PCDH11X: variants seen among roughly 807,000 people sequenced by gnomAD.
PCDH11X encodes the protein protocadherin 11 X-linked.
A neutral mutation model predicts 53.3 loss-of-function variants in PCDH11X; 18 were observed. The ratio of observed to expected loss-of-function variants is 0.34; its 90% confidence interval spans 0.23 to 0.50. The LOEUF (loss-of-function observed/expected upper bound fraction) is 0.50. Ranked by LOEUF, PCDH11X falls within the 20% of genes least tolerant of loss-of-function variation. The pLI is 0.98. For missense variants in PCDH11X, 570 were observed against 1,032.4 expected (o/e 0.55, Z 6.14); for synonymous variants, 279 against 393.3 (o/e 0.71, Z 3.44).
rs1004502295 is a variant in PCDH11X at position 92,402,034 on chromosome X, G to A, written c.3343+14101G>A. ...ATTAATTCCGTTATCAAATTAACAC[G>A]TGCACAAATATTTGGTACTGTATAT... On this transcript the variant is annotated intron_variant, in intron 9 of 10. Transcript: ENST00000682573. Among the ~76,000 whole-genome samples the A allele has an allele frequency of 9.9e-5, 11 of 110,581 alleles. No individual in the cohort carries two copies. The South Asian group carries it at 3.9e-3, about 39-fold the overall frequency.
At chrX:92,358,512 G>T (rs1304143158) in intron 8 of PCDH11X, among the ~76,000 whole-genome samples, 1 of 58,841 alleles carries the variant, frequency 1.7e-5, no homozygotes. Flanking sequence ...AATATTTCTG[G>T]TAAGTTTTTT....
At chrX:92,195,285 C>T (rs2066274226) in intron 6 of PCDH11X, among the ~76,000 whole-genome samples, 1 of 111,040 alleles carries the variant, frequency 9.0e-6, no homozygotes, top group African/African-American at 3.3e-5. Flanking sequence ...GGAACACACA[C>T]TTGACTTGAT....
chrX:92,001,493 A>T (rs1602653342), intron 6 of PCDH11X, among the ~76,000 whole-genome samples: 1 of 94,402 alleles, frequency 1.1e-5, no homozygotes. Context: ...TTTGAGACAG[A>T]GTTTCTCTCT....
intron 6 of PCDH11X, among the ~76,000 whole-genome samples, chrX:91,881,910 A>G (rs1271749244): frequency 4.5e-5 from 5 of 111,517 alleles, no homozygotes; most frequent in Non-Finnish European, 9.4e-5. Flanking sequence ...GGGTTTGGGG[A>G]ATATTTACAT....
At chrX:91,997,312 T>A (rs2062436651) in intron 6 of PCDH11X, among the ~76,000 whole-genome samples, 1 of 110,946 alleles carries the variant, frequency 9.0e-6, no homozygotes, top group Non-Finnish European at 1.9e-5. Flanking sequence ...AGGAAAAGTT[T>A]CAAATTTTCA....
Position 92,452,473 on chromosome X carries a change from A to G in PCDH11X, c.3344-15826A>G, listed in dbSNP as rs1324262735. ...TAGATGTGTGTGTGTGTATATATAT[A>G]TATATATATATATATATATATATAT... On this transcript the variant is annotated intron_variant, in intron 9 of 10. Transcript: ENST00000682573. Among the ~76,000 whole-genome samples, 7 of 52,415 alleles carry G rather than the reference A, an allele frequency of 1.3e-4. 1 individual carries two copies. Among genetic ancestry groups the G allele is most frequent in the African/African-American group, 4.2e-4 (4 of 9,491 alleles). 45.5% of individuals were successfully genotyped at this position (52,415 alleles called of 115,157 possible).
intron 5 of PCDH11X, among the ~76,000 whole-genome samples, chrX:91,865,042 G>A (rs1163559226): frequency 9.0e-6 from 1 of 110,521 alleles, no homozygotes; most frequent in Admixed American, 9.7e-5. Flanking sequence ...CATTTGGTGC[G>A]ATCACGTTTT....
chrX:92,366,979 G>A (rs1201098839), intron 8 of PCDH11X, among the ~76,000 whole-genome samples: 1 of 109,849 alleles, frequency 9.1e-6, no homozygotes, highest in African/African-American at 3.3e-5. Context: ...TGTTGATTTA[G>A]GATGGGGAGT....
intron 8 of PCDH11X, among the ~76,000 whole-genome samples, chrX:92,270,968 T>A (rs2067944241): frequency 8.9e-6 from 1 of 111,762 alleles, no homozygotes; most frequent in Admixed American, 9.5e-5. Context: ...AGAGTAGATC[T>A]CAAAGAGTTG....
In PCDH11X at chrX:92,009,026, T is replaced by C. The variant is rs1423170596; in HGVS notation, c.3033+129753T>C. On this transcript the variant is annotated intron_variant, in intron 6 of 10. Transcript: ENST00000682573. ...GCAAACTCATCCCACAAATACTTTA[T>C]TTTACAGAAATAGCACTTTTAGCCA... 6.2e-5 allele frequency among the ~76,000 whole-genome samples: 7 copies of C among 112,425 alleles called. No individual in the cohort carries two copies. In the East Asian group the frequency reaches 1.4e-3, roughly 23 times the overall value.
At chrX:92,236,087 T>A (rs1007996213) in intron 7 of PCDH11X, among the ~76,000 whole-genome samples, 3 of 111,297 alleles carry the variant, frequency 2.7e-5, no homozygotes, top group Non-Finnish European at 5.7e-5. Flanking sequence ...TTTCTCAACA[T>A]TTTACCAAAG....
At chrX:91,945,063 A>T (rs1251912987) in intron 6 of PCDH11X, among the ~76,000 whole-genome samples, 1 of 89,874 alleles carries the variant, frequency 1.1e-5, no homozygotes, top group African/African-American at 3.8e-5. Context: ...ATATATATAT[A>T]TATATTCTTA....
At chrX:92,117,817 A>G (rs2064670435) in intron 6 of PCDH11X, among the ~76,000 whole-genome samples, 1 of 111,793 alleles carries the variant, frequency 8.9e-6, no homozygotes, top group Admixed American at 9.6e-5. Flanking sequence ...TTGCTGAAAC[A>G]TAAGGCCTGA....
chrX:92,153,151 G>A (rs866160805), intron 6 of PCDH11X, among the ~76,000 whole-genome samples: 57 of 110,365 alleles, frequency 5.2e-4, no homozygotes, highest in Non-Finnish European at 7.6e-4. Context: ...TCCCAAGGGG[G>A]TATACTTAGC....
At chrX:92,030,881 G>T (rs191099392) in intron 6 of PCDH11X, among the ~76,000 whole-genome samples, 9 of 103,774 alleles carry the variant, frequency 8.7e-5, no homozygotes, top group Non-Finnish European at 1.5e-4. Flanking sequence ...TTATCCATTC[G>T]TCTGTTGATG....
chrX:91,933,362 A>C (rs1343449360), intron 6 of PCDH11X, among the ~76,000 whole-genome samples: 4 of 106,138 alleles, frequency 3.8e-5, no homozygotes, highest in Non-Finnish European at 7.8e-5. Flanking sequence ...CTTAAAGAAG[A>C]AGCAGTGAAA....
At chrX:92,205,508 A>G (rs1450415192) in intron 7 of PCDH11X, among the ~76,000 whole-genome samples, 1 of 111,249 alleles carries the variant, frequency 9.0e-6, no homozygotes, top group Non-Finnish European at 1.9e-5. Context: ...GTATGACATC[A>G]GGTATCACTG....
At chrX:92,219,548 G>T (rs1384426205) in intron 7 of PCDH11X, among the ~76,000 whole-genome samples, 1 of 108,204 alleles carries the variant, frequency 9.2e-6, no homozygotes, top group Non-Finnish European at 1.9e-5. Context: ...AAATAAAAGA[G>T]GATACAAACA....
chrX:92,403,297 G>A lies in PCDH11X; in HGVS notation c.3343+15364G>A, dbSNP rs1205623945. ...GTGTGTTCTGAGTATCTGTTTATAC[G>A]TGTGTACTGGGATATGTGTCCGGGC... On this transcript the variant is annotated intron_variant, in intron 9 of 10. Transcript: ENST00000682573. Among the ~76,000 whole-genome samples the A allele has an allele frequency of 3.1e-5, 3 of 98,131 alleles. 1 individual carries two copies. Among genetic ancestry groups the A allele is most frequent in the African/African-American group, 7.7e-5 (2 of 25,922 alleles). 85.2% of individuals were successfully genotyped at this position (98,131 alleles called of 115,157 possible). A position where few individuals can be genotyped will look rare whatever the true frequency, so the allele number is the denominator to read the frequency against.
Sources: allele counts gnomAD v4.1 joint callset (sites outside exome capture counted in the v4.1 genomes callset), GRCh38; gene constraint gnomAD v4.1.1; transcripts MANE v1.5; gene names NCBI Gene and HGNC (gene_info 2026-07-23, HGNC 2026-07-21).